The following ANKFY1 variants were observed in gnomAD, a reference collection of about 807,000 sequenced individuals.
ANKFY1 encodes the protein ankyrin repeat and FYVE domain-containing protein 1.
ANKFY1 carries 47 observed loss-of-function variants against 128.3 expected under a neutral mutation model. The ratio of observed to expected loss-of-function variants is 0.37; its 90% CI spans 0.29 to 0.47. The LOEUF (loss-of-function observed/expected upper bound fraction) is 0.47. Among genes scored for constraint, ANKFY1 ranks in the 20% least tolerant of loss-of-function variants. The probability of loss-of-function intolerance (pLI) is 1.00; values close to 1 mark genes in which losing one functional copy is unlikely to be tolerated. For synonymous variants in ANKFY1, 553 were observed against 601.6 expected (o/e 0.92, Z 1.18); for missense variants, 1,222 against 1,510.6 (o/e 0.81, Z 3.17).
intron 11 of ANKFY1, chr17:4,188,075 T>A (rs1447945078): frequency 6.6e-6 from 1 of 152,370 alleles, no homozygotes; most frequent in African/African-American, 2.4e-5. Flanking sequence ...AGACACACGA[T>A]GGCAAGAGCA....
rs924871840 is a variant in ANKFY1, at chr17:4,163,905, T to C, written c.*3874A>G. The C allele has an allele frequency of 2.6e-5, 4 of 152,198 alleles. No individual in the cohort carries two copies. The highest frequency in any genetic ancestry group is 9.8e-5 in the African/African-American group (4 of 41,000). 9.4% of individuals were successfully genotyped at this position (152,198 alleles called of 1,614,324 possible). A position where few individuals can be genotyped will look rare whatever the true frequency, so the allele number is the denominator to read the frequency against. The stretch of plus-strand genomic sequence containing the variant: ...GTCTTATTAAAGTTTCCACTTTAAA[T>C]GCACAATTTTACTTCATTTTATTAT... On this transcript the variant is annotated 3_prime_UTR_variant, in exon 25 of 25. Coordinates refer to ENST00000341657, the MANE Select transcript of ANKFY1 (RefSeq NM_001330063.2).
At position 4,195,095 on chromosome 17, in the gene ANKFY1, A is replaced by G. The variant is rs1266164825; in HGVS notation, c.1255T>C (p.Ser419Pro). ...VQHITVSSDQ[S>P]VNPFEDVPVV... ...GGGACATCTTCGAAGGGGTTCACAG[A>G]CTGGTCAGAAGACACTGTGATATGC... Residue 419 changes from serine to proline, a missense_variant, in exon 10 of 25, where the codon TCT becomes CCT. Ser to Pro is a moderately conservative substitution (Grantham distance 74). Coordinates refer to ENST00000341657, the MANE Select transcript of ANKFY1 (RefSeq NM_001330063.2). 1.2e-6 allele frequency: 2 copies of G among 1,614,184 alleles called. No individual in the cohort carries two copies. The highest frequency in any genetic ancestry group is 8.5e-7 in the Non-Finnish European group (1 of 1,180,042).
At chr17:4,223,112 A>C in intron 3 of ANKFY1, 1 of 739,102 alleles carries the variant, frequency 1.4e-6, no homozygotes, top group East Asian at 2.6e-5. Flanking sequence ...AAGAAAAACA[A>C]GCATTGGTCG....
chr17:4,173,208 A>C, intron 21 of ANKFY1, 146 bp downstream of exon 21: 1 of 682,218 alleles, frequency 1.5e-6, no homozygotes, highest in Non-Finnish European at 2.5e-6. Context: ...TACCAAAAGT[A>C]CCAAAATAAA....
intron 24 of ANKFY1, chr17:4,168,114 T>A: frequency 2.1e-6 from 1 of 485,854 alleles, no homozygotes. Flanking sequence ...ATCATCAAGT[T>A]AAAGCAATAC....
chr17:4,197,686 T>G, intron 7 of ANKFY1, 109 bp from the exon 8 acceptor site: 1 of 1,019,216 alleles, frequency 9.8e-7, no homozygotes, highest in Non-Finnish European at 1.5e-6. Context: ...GATAACTAGA[T>G]GTGTCTGAAG....
In ANKFY1 at chr17:4,166,191, TAC is replaced by T. The variant is rs2059207428; in HGVS notation, c.*1586_*1587del. On this transcript the variant is annotated 3_prime_UTR_variant, in exon 25 of 25. Transcript: ENST00000341657. ...AGTACTCCAGTTTATCAGCTCATTT[TAC>T]ACACATATTTAGGCAACAGAATGTA... 1 of 152,372 alleles carries T rather than the reference TAC, an allele frequency of 6.6e-6. No individual in the cohort carries two copies. The highest frequency in any genetic ancestry group is 1.5e-5 in the Non-Finnish European group (1 of 68,034). 9.4% of individuals were successfully genotyped at this position (152,372 alleles called of 1,614,324 possible).
intron 6 of ANKFY1, among the ~76,000 whole-genome samples, chr17:4,206,917 C>T (rs1239345441): frequency 6.6e-6 from 1 of 152,176 alleles, no homozygotes; most frequent in Non-Finnish European, 1.5e-5. Context: ...ACTTCGCTCC[C>T]ATCTGTCAAG....
chr17:4,183,957 G>C (rs369485897), intron 12 of ANKFY1, 47 bp from the exon 13 acceptor site: 26 of 1,515,124 alleles, frequency 1.7e-5, no homozygotes, highest in Non-Finnish European at 2.3e-5. Context: ...ACCATCTGTG[G>C]ATCACACTTA....
intron 22 of ANKFY1, among the ~76,000 whole-genome samples, chr17:4,172,174 G>A (rs1347143578): frequency 6.6e-6 from 1 of 152,158 alleles, no homozygotes. Context: ...AGAGCATGCC[G>A]ACACATGATC....
At chr17:4,222,293 A>T (rs1350078542) in intron 3 of ANKFY1, 11 of 675,738 alleles carry the variant, frequency 1.6e-5, no homozygotes, top group Non-Finnish European at 2.7e-5. Flanking sequence ...AGTGAGGATG[A>T]GGTGCACCGG....
intron 4 of ANKFY1, among the ~76,000 whole-genome samples, chr17:4,211,910 A>G (rs900480728): frequency 5.0e-5 from 1 of 19,850 alleles, no homozygotes; most frequent in Admixed American, 1.2e-3. Flanking sequence ...ACAAAAACAA[A>G]CAAACAAACA....
chr17:4,211,758 T>C (rs1425083250), intron 4 of ANKFY1, among the ~76,000 whole-genome samples: 3 of 151,974 alleles, frequency 2.0e-5, no homozygotes, highest in African/African-American at 4.8e-5. Flanking sequence ...TAGTCCCAGC[T>C]ACTCAGGAGG....
At chr17:4,176,718 A>G (rs1244424518) in intron 19 of ANKFY1, among the ~76,000 whole-genome samples, 8 of 152,250 alleles carry the variant, frequency 5.3e-5, no homozygotes, top group Admixed American at 6.5e-5. Flanking sequence ...CTCGGGGGTA[A>G]AATTCTTTCT....
intron 3 of ANKFY1, chr17:4,223,164 T>C (rs1410914834): frequency 2.5e-6 from 2 of 790,078 alleles, no homozygotes; most frequent in Non-Finnish European, 2.3e-6. Flanking sequence ...ACAATGATGC[T>C]CACTGAAAGT....
At chr17:4,193,123 G>C (rs2059747433) in intron 10 of ANKFY1, among the ~76,000 whole-genome samples, 1 of 152,216 alleles carries the variant, frequency 6.6e-6, no homozygotes, top group South Asian at 2.1e-4. Flanking sequence ...GATTTGAACA[G>C]CATAATGAAC....
At chr17:4,245,608 T>A (rs147831877) in intron 1 of ANKFY1, among the ~76,000 whole-genome samples, 1 of 151,800 alleles carries the variant, frequency 6.6e-6, no homozygotes, top group Admixed American at 6.6e-5. Flanking sequence ...GCCTCCAGAG[T>A]AGCTAGGACC....
chr17:4,203,552 A>C (rs2059969445), intron 7 of ANKFY1, among the ~76,000 whole-genome samples: 2 of 152,124 alleles, frequency 1.3e-5, no homozygotes, highest in Non-Finnish European at 2.9e-5. Context: ...GCAGTGGCTC[A>C]CGTCTTTAAT....
chr17:4,195,536 A>T, intron 8 of ANKFY1, 65 bp from the exon 9 acceptor site: 1 of 1,269,484 alleles, frequency 7.9e-7, no homozygotes, highest in Non-Finnish European at 1.1e-6. Flanking sequence ...TCACGGCAAG[A>T]CGCAACCAGA....
Sources: allele counts gnomAD v4.1 joint callset (sites outside exome capture counted in the v4.1 genomes callset), GRCh38; gene constraint gnomAD v4.1.1; transcripts MANE v1.5; gene names NCBI Gene and HGNC (gene_info 2026-07-23, HGNC 2026-07-21).